Variants in TMEM116 observed in about 807,000 individuals in gnomAD.
TMEM116 encodes the protein transmembrane protein 116.
A neutral mutation model predicts 44.3 loss-of-function variants in TMEM116; 38 were observed. The ratio of observed to expected loss-of-function variants is 0.86; its 90% CI spans 0.66 to 1.12. TMEM116 has a LOEUF of 1.12. TMEM116 is among the 50% of genes most tolerant of loss of function. TMEM116 has a pLI of 0.00. For synonymous variants in TMEM116, 132 were observed against 144.8 expected, an observed-to-expected ratio of 0.91 and a Z score of 0.64; for missense variants, 354 against 401.7, an observed-to-expected ratio of 0.88 and a Z score of 1.01.
intron 3 of TMEM116, chr12:111,993,060 G>A (rs1011780121): frequency 1.1e-5 from 2 of 176,602 alleles, no homozygotes; most frequent in Admixed American, 6.0e-5. Flanking sequence ...GCTGGTGGAC[G>A]ATGGCCTCAC....
At chr12:111,936,605 G>A in intron 8 of TMEM116, 87 bp downstream of exon 8, 1 of 1,466,494 alleles carries the variant, frequency 6.8e-7, no homozygotes, top group Non-Finnish European at 9.2e-7. Context: ...GTGCCTCTCT[G>A]CCCCATCTTT....
At position 111,991,799 on chromosome 12, in the gene TMEM116, T is replaced by C. The variant is rs756282177; in HGVS notation, c.169A>G (p.Asn57Asp). ...AGGTTATAGCAGATGATGTCCTTAT[T>C]TGCTACTGAAGCTCCATAGAGAAGT... Reference protein sequence around the residue: ...ETLLYGASVANKDIICYNLQA... With the variant: ...ETLLYGASVADKDIICYNLQA... The change falls in exon 4 of 11, where the codon AAT becomes GAT. Residue 57 changes from asparagine to aspartate, a missense_variant. Physicochemically the swap from Asn to Asp is conservative, Grantham distance 23. Transcript: ENST00000552374. 2.0e-6 allele frequency: 3 copies of C among 1,535,716 alleles called. No individual in the cohort carries two copies. Among genetic ancestry groups the C allele is most frequent in the Non-Finnish European group, 2.6e-6 (3 of 1,146,546 alleles).
chr12:111,933,673 T>A (rs2071858710), intron 9 of TMEM116, among the ~76,000 whole-genome samples: 1 of 150,970 alleles, frequency 6.6e-6, no homozygotes, highest in Non-Finnish European at 1.5e-5. Context: ...TTTTTTTGTA[T>A]TTTTAGTAGA....
intron 4 of TMEM116, among the ~76,000 whole-genome samples, chr12:111,956,059 G>A (rs906734805): frequency 2.6e-5 from 4 of 152,152 alleles, no homozygotes; most frequent in Non-Finnish European, 5.9e-5. Flanking sequence ...TGCTTCTCAG[G>A]TAAGTTCCAG....
rs961098770 is a variant in TMEM116, at chr12:111,978,616, C to T, written c.210+13142G>A. The T allele has an allele frequency of 2.6e-5, 6 of 233,230 alleles. 1 individual carries two copies. The highest frequency in any genetic ancestry group is 2.1e-4 in the South Asian group (5 of 24,228). The allele number at this position is 233,230 out of a possible 1,614,324, so 14.4% of individuals were successfully genotyped here. ...TTAGCTCCTAAGGGTGGAGGCTTCA[C>T]AAATGAGATTAGTGCCCTTATAAAA... On this transcript the variant is annotated intron_variant, in intron 4 of 10. Coordinates refer to ENST00000552374, the MANE Select transcript of TMEM116 (RefSeq NM_001193531.2).
At chr12:111,980,942 T>C (rs959764648) in intron 4 of TMEM116, among the ~76,000 whole-genome samples, 6 of 151,804 alleles carry the variant, frequency 4.0e-5, no homozygotes, top group Non-Finnish European at 8.8e-5. Context: ...GGCGTGGTAG[T>C]GTGTGCCTGT....
chr12:111,993,044 C>T (rs1298434433), intron 3 of TMEM116: 2 of 176,006 alleles, frequency 1.1e-5, no homozygotes, highest in Non-Finnish European at 2.4e-5. Flanking sequence ...ATGTGCCACA[C>T]CTGCAGCTGG....
chr12:111,960,549 A>G (rs1381423502), intron 4 of TMEM116, among the ~76,000 whole-genome samples: 1 of 151,534 alleles, frequency 6.6e-6, no homozygotes, highest in Non-Finnish European at 1.5e-5. Flanking sequence ...AACTACATGG[A>G]AACTGAACAA....
At chr12:111,979,438 GAAACA>G (rs2075834412) in intron 4 of TMEM116, among the ~76,000 whole-genome samples, 1 of 152,060 alleles carries the variant, frequency 6.6e-6, no homozygotes. Context: ...CTAGAATATA[GAAACA>G]GAAGGAAAAC....
At chr12:111,945,397 G>A (rs1360906633) in intron 4 of TMEM116, among the ~76,000 whole-genome samples, 2 of 146,712 alleles carry the variant, frequency 1.4e-5, no homozygotes, top group Non-Finnish European at 3.0e-5. Flanking sequence ...TTTCATTTAC[G>A]CCCAGTAGAG....
chr12:111,989,560 A>C (rs1235362594), intron 4 of TMEM116, among the ~76,000 whole-genome samples: 1 of 152,222 alleles, frequency 6.6e-6, no homozygotes, highest in Non-Finnish European at 1.5e-5. Context: ...CCTGCTAGAT[A>C]AAATATTAAC....
intron 4 of TMEM116, among the ~76,000 whole-genome samples, chr12:111,982,646 A>G (rs2076007202): frequency 6.6e-6 from 1 of 152,032 alleles, no homozygotes; most frequent in African/African-American, 2.4e-5. Context: ...CAATCAATCA[A>G]TCAATCAATC....
chr12:111,969,113 G>A (rs2075166854), intron 4 of TMEM116, among the ~76,000 whole-genome samples: 1 of 151,636 alleles, frequency 6.6e-6, no homozygotes, highest in Non-Finnish European at 1.5e-5. Context: ...CTGGGGTCGG[G>A]AGCTCAAGAC....
In TMEM116 at chr12:111,936,737, G is replaced by A. The variant is rs143338734; in HGVS notation, c.543C>T (p.Ile181=). The A allele has an allele frequency of 5.6e-6, 9 of 1,613,814 alleles. No homozygotes were observed. In the African/African-American group the frequency reaches 8.0e-5, roughly 14 times the overall value. The change falls in exon 8 of 11, where the codon ATC becomes ATT. Residue 181 remains isoleucine, a synonymous_variant. Transcript: ENST00000552374. ...GTACAAAGCTGCCCAGGAAAATGGCGATACCATAAAAATAAAGTGTGCTAC... is the reference window on the plus strand; with the variant it reads ...GTACAAAGCTGCCCAGGAAAATGGCAATACCATAAAAATAAAGTGTGCTAC... The part of the protein sequence containing the change: ...SVCSTLYFYG[I]AIFLGSFVLS...
At chr12:111,987,668 C>T (rs924182670) in intron 4 of TMEM116, among the ~76,000 whole-genome samples, 2 of 152,076 alleles carry the variant, frequency 1.3e-5, no homozygotes, top group African/African-American at 4.8e-5. Flanking sequence ...ATTAGGATGG[C>T]TATTACTTAA....
intron 4 of TMEM116, among the ~76,000 whole-genome samples, chr12:111,957,978 A>G (rs1344472715): frequency 2.0e-5 from 3 of 152,146 alleles, no homozygotes; most frequent in African/African-American, 7.2e-5. Context: ...CCTTACCCCC[A>G]ACCCCGTGCT....
At chr12:111,983,264 C>T (rs2076046449) in intron 4 of TMEM116, among the ~76,000 whole-genome samples, 2 of 152,052 alleles carry the variant, frequency 1.3e-5, no homozygotes, top group Admixed American at 1.3e-4. Context: ...GGTGAAACCC[C>T]ATCTCTACTA....
rs927891071 is a variant in TMEM116, at chr12:111,972,488, T to G, written c.210+19270A>C. ...ATACTATCAACCAACTTGACAGAAT[T>G]GATATTTATAGAATATTCCAGCCAA... On this transcript the variant is annotated intron_variant, in intron 4 of 10. Transcript: ENST00000552374. 3.7e-4 allele frequency among the ~76,000 whole-genome samples: 57 copies of G among 152,332 alleles called. 1 individual carries two copies. Among genetic ancestry groups the G allele is most frequent in the Middle Eastern group, 3.4e-3 (1 of 294 alleles).
chr12:111,939,297 A>C (rs1235036449), intron 5 of TMEM116, among the ~76,000 whole-genome samples: 3 of 152,110 alleles, frequency 2.0e-5, no homozygotes, highest in Non-Finnish European at 4.4e-5. Context: ...TACTAAAAAT[A>C]CAAAAATTAG....
Sources: gnomAD v4.1 joint callset for allele counts (sites outside exome capture counted in the v4.1 genomes callset) on GRCh38, gnomAD v4.1.1 for gene constraint, MANE v1.5 for transcripts, NCBI Gene and HGNC (gene_info 2026-07-23, HGNC 2026-07-21) for gene names.